The following C1orf159 variants were observed in gnomAD, a reference collection of about 807,000 sequenced individuals.
C1orf159 encodes the protein chromosome 1 open reading frame 159, also known as uncharacterized protein C1orf159.
A neutral mutation model predicts 25.6 loss-of-function variants in C1orf159; 19 were observed. The observed-to-expected ratio is 0.74, with a 90% CI of 0.52 to 1.09. C1orf159 has a LOEUF of 1.09. Among genes scored for constraint, C1orf159 ranks in the 50% least tolerant of loss-of-function variants. C1orf159 has a pLI of 0.00. For missense variants in C1orf159, 274 were observed against 290.6 expected (o/e 0.94, Z 0.42); for synonymous variants, 139 against 124.7 (o/e 1.12, Z -0.77).
Position 1,110,182 on chromosome 1 carries a change from G to A in C1orf159, c.-136+5878C>T, listed in dbSNP as rs1646238231. On this transcript the variant is annotated intron_variant, in intron 1 of 9. Transcript: ENST00000421241. The surrounding 1 kb of genome is among the most constrained non-coding windows in gnomAD (Gnocchi z 4.8). ...TCGTGATCTCCACTTTAACACTAAT[G>A]TTGGTCAGTTGTGTCTAAACTGAAA... is the stretch of plus-strand genomic sequence containing the variant. Among the ~76,000 whole-genome samples, 1 of 152,166 alleles carries A rather than the reference G, an allele frequency of 6.6e-6. No individual in the cohort carries two copies. Among genetic ancestry groups the A allele is most frequent in the Non-Finnish European group, 1.5e-5 (1 of 68,028 alleles).
intron 1 of C1orf159, among the ~76,000 whole-genome samples, chr1:1,099,642 A>G (rs1570323529): frequency 6.7e-6 from 1 of 149,084 alleles, no homozygotes; most frequent in African/African-American, 2.5e-5. Context: ...GAGAGAGGTT[A>G]AAATCTCTGA....
intron 1 of C1orf159, among the ~76,000 whole-genome samples, chr1:1,099,168 C>A (rs571365487): frequency 1.4e-5 from 2 of 140,530 alleles, no homozygotes; most frequent in African/African-American, 5.8e-5. Flanking sequence ...TTCTAAGAAT[C>A]GGAGAGAGAT....
At chr1:1,086,575 G>A (rs1301967459) in intron 6 of C1orf159, among the ~76,000 whole-genome samples, 2 of 152,220 alleles carry the variant, frequency 1.3e-5, no homozygotes, top group East Asian at 1.9e-4. Context: ...AGACACAGGC[G>A]TGTTTGCCAG....
chr1:1,105,380 T>C (rs980936047), intron 1 of C1orf159, among the ~76,000 whole-genome samples: 4 of 151,842 alleles, frequency 2.6e-5, no homozygotes, highest in African/African-American at 9.7e-5. Flanking sequence ...TGATGGCACA[T>C]GCCTGTGATC....
intron 1 of C1orf159, among the ~76,000 whole-genome samples, chr1:1,099,184 T>C: frequency 7.0e-6 from 1 of 143,032 alleles, no homozygotes; most frequent in African/African-American, 2.8e-5. Context: ...GAGATTAAAA[T>C]CTCCAACTAT....
intron 1 of C1orf159, among the ~76,000 whole-genome samples, chr1:1,114,061 C>T (rs1247946395): frequency 3.3e-5 from 5 of 152,116 alleles, no homozygotes; most frequent in African/African-American, 9.6e-5. Context: ...GGACCACAGG[C>T]GCCCGCCACC....
intron 4 of C1orf159, among the ~76,000 whole-genome samples, chr1:1,088,630 T>C (rs2100746187): frequency 6.6e-6 from 1 of 151,862 alleles, no homozygotes; most frequent in Non-Finnish European, 1.5e-5. Context: ...GAATTGACTT[T>C]TACTCCTTGA....
chr1:1,083,190 T>C, intron 9 of C1orf159: 1 of 543,574 alleles, frequency 1.8e-6, no homozygotes, highest in South Asian at 2.4e-5. Flanking sequence ...GACGGCTTCC[T>C]CCTGCCCGGC....
chr1:1,084,097 G>C, intron 9 of C1orf159: 1 of 1,598,036 alleles, frequency 6.3e-7, no homozygotes, highest in South Asian at 1.1e-5. Flanking sequence ...CTCGGGAACA[G>C]GAAAGAGCAT....
rs1391933526 is a variant in C1orf159 at position 1,085,984 on chromosome 1, G to C, written c.339C>G (p.Phe113Leu). The C allele has an allele frequency of 2.5e-6, 4 of 1,613,102 alleles. No individual in the cohort carries two copies. In the Admixed American group the frequency reaches 6.7e-5, roughly 27 times the overall value. The change falls in exon 7 of 10, where the codon TTC becomes TTG. Residue 113 changes from phenylalanine to leucine, a missense_variant. By Grantham distance (22) the Phe-to-Leu change is conservative. Coordinates refer to ENST00000421241, the MANE Select transcript of C1orf159 (RefSeq NM_017891.5). The part of the protein sequence containing the change: ...PGAPRVAASL[F>L]LGTFFISSGL... Reference sequence around the variant, plus strand: ...CGGAGCTAATGAAGAACGTGCCCAGGAAGAGGGAGGCGGCCACGCGCGGAG... The same window carrying C: ...CGGAGCTAATGAAGAACGTGCCCAGCAAGAGGGAGGCGGCCACGCGCGGAG...
chr1:1,084,787 C>T (rs189346016), intron 7 of C1orf159, among the ~76,000 whole-genome samples: 12 of 152,272 alleles, frequency 7.9e-5, no homozygotes, highest in Non-Finnish European at 1.5e-4. Context: ...CCCACCTTCC[C>T]GCCTCAGCAG....
In C1orf159 at chr1:1,082,549, G is replaced by A; in HGVS notation, c.*344C>T. The A allele has an allele frequency of 2.8e-6, 1 of 352,208 alleles. No homozygotes were observed. Among genetic ancestry groups the A allele is most frequent in the Non-Finnish European group, 5.4e-6 (1 of 186,402 alleles). The allele number at this position is 352,208 out of a possible 1,614,324, so 21.8% of individuals were successfully genotyped here. A position where few individuals can be genotyped will look rare whatever the true frequency, so the allele number is the denominator to read the frequency against. Reference sequence around the variant, plus strand: ...AGAGCCCCTGGCTTTTCTAGGCAGAGCGGCACCTGCCCCATAGATCGTGCC... The same window carrying A: ...AGAGCCCCTGGCTTTTCTAGGCAGAACGGCACCTGCCCCATAGATCGTGCC... On this transcript the variant is annotated 3_prime_UTR_variant, in exon 10 of 10. Coordinates refer to ENST00000421241, the MANE Select transcript of C1orf159 (RefSeq NM_017891.5).
chr1:1,104,819 A>G (rs904128701), intron 1 of C1orf159, among the ~76,000 whole-genome samples: 2 of 142,120 alleles, frequency 1.4e-5, no homozygotes, highest in Non-Finnish European at 3.0e-5. Context: ...GTCTCAAAGG[A>G]AAAAAAAAAA....
intron 7 of C1orf159, chr1:1,085,260 C>G: frequency 2.3e-6 from 1 of 436,146 alleles, no homozygotes. Flanking sequence ...CCTTGGGGTC[C>G]GAACTGCTGG....
intron 4 of C1orf159, 73 bp downstream of exon 4, chr1:1,090,280 G>C (rs1570310255): frequency 1.4e-6 from 2 of 1,429,950 alleles, no homozygotes. Flanking sequence ...GTCACCGAGG[G>C]GAGGGCCCTG....
intron 9 of C1orf159, chr1:1,083,451 A>G: frequency 5.1e-6 from 1 of 197,040 alleles, no homozygotes; most frequent in Non-Finnish European, 1.0e-5. Flanking sequence ...CCTGAGAGAG[A>G]GGCAGAGAGA....
intron 7 of C1orf159, among the ~76,000 whole-genome samples, 178 bp from the exon 8 acceptor site, chr1:1,084,684 A>C (rs1257489666): frequency 6.6e-6 from 1 of 152,076 alleles, no homozygotes; most frequent in Non-Finnish European, 1.5e-5. Flanking sequence ...CCTGCGGTGC[A>C]TCAGCCTGGC....
At chr1:1,083,769 A>G in intron 9 of C1orf159, 1 of 742,302 alleles carries the variant, frequency 1.3e-6, no homozygotes, top group East Asian at 2.7e-5. Context: ...TCTGTCCCCT[A>G]AAGGCACGGT....
At chr1:1,084,155 T>G in intron 9 of C1orf159, 198 bp downstream of exon 9, 4 of 1,545,170 alleles carry the variant, frequency 2.6e-6, no homozygotes, top group Non-Finnish European at 3.5e-6. Flanking sequence ...GCCGGCCAAA[T>G]CCAGCTGAGA....
Sources: gnomAD v4.1 joint callset for allele counts (sites outside exome capture counted in the v4.1 genomes callset) on GRCh38, gnomAD v4.1.1 for gene constraint, Gnocchi (gnomAD v3.1) non-coding constraint, MANE v1.5 for transcripts, NCBI Gene and HGNC (gene_info 2026-07-23, HGNC 2026-07-21) for gene names.